Variants in PBX1 observed in about 807,000 individuals in gnomAD.
PBX1 encodes pre-B-cell leukemia transcription factor 1.
PBX1 carries 6 observed loss-of-function variants against 53.4 expected under a neutral mutation model. The observed-to-expected ratio is 0.11, with a 90% confidence interval of 0.06 to 0.22. The LOEUF is 0.22. PBX1 is among the 10% of genes least tolerant of loss of function. The probability of loss-of-function intolerance (pLI) is 1.00; values close to 1 mark genes in which losing one functional copy is unlikely to be tolerated. For synonymous variants in PBX1, 204 were observed against 212.3 expected (o/e 0.96, Z 0.34); for missense variants, 251 against 551.4 (o/e 0.46, Z 5.46).
At chr1:164,828,969 G>A (rs1670615003) in intron 8 of PBX1, 1 of 152,086 alleles carries the variant, frequency 6.6e-6, no homozygotes, top group Non-Finnish European at 1.5e-5. Context: ...TTGAGTTTGA[G>A]GAAATTCTTT....
chr1:164,635,443 A>G (rs796498522), intron 2 of PBX1, among the ~76,000 whole-genome samples: 1 of 152,200 alleles, frequency 6.6e-6, no homozygotes, highest in South Asian at 2.1e-4. Context: ...CTCTACTTAA[A>G]CCAGACCAAG....
intron 2 of PBX1, among the ~76,000 whole-genome samples, chr1:164,873,413 C>A (rs566383937): frequency 1.3e-5 from 2 of 152,198 alleles, no homozygotes; most frequent in Non-Finnish European, 2.9e-5. Flanking sequence ...GTTCCATGAG[C>A]CCCCTTACCA....
At chr1:164,687,494 G>T (rs1452997189) in intron 2 of PBX1, among the ~76,000 whole-genome samples, 1 of 150,642 alleles carries the variant, frequency 6.6e-6, no homozygotes, top group African/African-American at 2.4e-5. Context: ...GCCCTTGGGG[G>T]TCGAGGCTGT....
At chr1:164,590,358 T>G (rs556817420) in intron 2 of PBX1, 16 of 456,032 alleles carry the variant, frequency 3.5e-5, no homozygotes, top group African/African-American at 3.0e-4. Flanking sequence ...GCATGCTCCT[T>G]GTTTTCTTTG....
intron 2 of PBX1, among the ~76,000 whole-genome samples, chr1:164,677,629 T>C (rs7534710): frequency 0.094 from 14,359 of 152,102 alleles, 785 homozygotes; most frequent in African/African-American, 0.15. Flanking sequence ...GGTTTGGGGT[T>C]CATGAAAATT....
chr1:164,824,264 G>C (rs1197136496), intron 8 of PBX1, among the ~76,000 whole-genome samples: 3 of 152,176 alleles, frequency 2.0e-5, no homozygotes, highest in African/African-American at 7.2e-5. Context: ...TGACCACACA[G>C]CAGTAGAATT....
chr1:164,646,124 T>C (rs907993428), intron 2 of PBX1, among the ~76,000 whole-genome samples: 1 of 152,202 alleles, frequency 6.6e-6, no homozygotes, highest in Admixed American at 6.5e-5. Flanking sequence ...CTGTGCCTCC[T>C]TTTCTTGATG....
intron 2 of PBX1, among the ~76,000 whole-genome samples, chr1:164,716,766 T>C (rs974246028): frequency 7.6e-6 from 1 of 131,156 alleles, no homozygotes; most frequent in Admixed American, 7.2e-5. Flanking sequence ...AAGAATCTAT[T>C]AACGAAAAAA....
intron 4 of PBX1, among the ~76,000 whole-genome samples, chr1:164,807,229 C>G (rs1265834762): frequency 1.3e-5 from 2 of 152,126 alleles, no homozygotes; most frequent in Non-Finnish European, 2.9e-5. Flanking sequence ...TGCACTCCAG[C>G]CTGGGTGACA....
intron 2 of PBX1, chr1:164,682,056 G>A (rs1661806313): frequency 6.6e-6 from 1 of 152,126 alleles, no homozygotes; most frequent in South Asian, 2.1e-4. Flanking sequence ...CTATAAAAAT[G>A]TATTAATATG....
chr1:164,568,820 CAG>C (rs920509380), intron 2 of PBX1, among the ~76,000 whole-genome samples: 1 of 152,184 alleles, frequency 6.6e-6, no homozygotes, highest in Non-Finnish European at 1.5e-5. Flanking sequence ...CGGAACTTAG[CAG>C]AGTGATCCCC....
intron 2 of PBX1, among the ~76,000 whole-genome samples, chr1:164,860,328 G>C (rs1490768642): frequency 6.6e-6 from 1 of 152,166 alleles, no homozygotes; most frequent in Non-Finnish European, 1.5e-5. Context: ...TTTCTTTAAA[G>C]AATGTATGTA....
intron 1 of PBX1, among the ~76,000 whole-genome samples, chr1:164,562,340 C>T (rs546135582): frequency 4.5e-4 from 68 of 152,194 alleles, no homozygotes; most frequent in African/African-American, 1.6e-3. Flanking sequence ...ATTCACTTAA[C>T]TAATAGCTGA....
At chr1:164,810,330 C>T (rs959705411) in intron 5 of PBX1, among the ~76,000 whole-genome samples, 2 of 152,128 alleles carry the variant, frequency 1.3e-5, no homozygotes, top group African/African-American at 4.8e-5. Context: ...CATGATAACA[C>T]TCATTTTATA....
At chr1:164,595,705 T>G (rs937381393) in intron 2 of PBX1, among the ~76,000 whole-genome samples, 5 of 152,178 alleles carry the variant, frequency 3.3e-5, no homozygotes, top group African/African-American at 1.2e-4. Flanking sequence ...TGGTTATGAT[T>G]ATTGACAGCC....
At chr1:164,855,820 C>T (rs60493461), downstream of PBX1, among the ~76,000 whole-genome samples, 1,699 of 152,300 alleles carry the variant, frequency 0.011, 31 homozygotes, top group African/African-American at 0.038. Context: ...GGAAACAATC[C>T]GATCTATGCA....
intron 2 of PBX1, among the ~76,000 whole-genome samples, chr1:164,751,587 T>TTTTG: frequency 6.7e-6 from 1 of 150,204 alleles, no homozygotes; most frequent in African/African-American, 2.5e-5. Flanking sequence ...CCCCCTTTTT[T>TTTTG]TTTTTTTTTT....
intron 8 of PBX1, among the ~76,000 whole-genome samples, chr1:164,827,195 A>G (rs1420828048): frequency 2.6e-5 from 4 of 152,220 alleles, no homozygotes. Context: ...CTTAAAGTAT[A>G]TATTAGTAAG....
chr1:164,587,689 C>A (rs1571277172), intron 2 of PBX1, among the ~76,000 whole-genome samples: 1 of 152,182 alleles, frequency 6.6e-6, no homozygotes, highest in African/African-American at 2.4e-5. Flanking sequence ...GAATAGTCAT[C>A]CTGTTGACCC....
Sources: allele counts gnomAD v4.1 joint callset (sites outside exome capture counted in the v4.1 genomes callset), GRCh38; gene constraint gnomAD v4.1.1; transcripts MANE v1.5; gene names NCBI Gene and HGNC (gene_info 2026-07-23, HGNC 2026-07-21).